ADGRL4: variants seen among roughly 807,000 people sequenced by gnomAD.
ADGRL4 encodes the protein EGF, latrophilin and seven transmembrane domain containing 1.
ADGRL4 carries 90 observed loss-of-function variants against 74.8 expected under a neutral mutation model. The observed-to-expected ratio is 1.20, with a 90% CI of 1.02 to 1.43. ADGRL4 has a LOEUF of 1.43. Among genes scored for constraint, ADGRL4 ranks in the 40% most tolerant of loss-of-function variants. The pLI is 0.00. For synonymous variants in ADGRL4, 311 were observed against 279.2 expected (o/e 1.11, Z -1.14); for missense variants, 881 against 814.3 (o/e 1.08, Z -1.00).
At chr1:78,992,869 T>C (rs1650636046) in intron 2 of ADGRL4, among the ~76,000 whole-genome samples, 1 of 152,112 alleles carries the variant, frequency 6.6e-6, no homozygotes, top group South Asian at 2.1e-4. Context: ...TACAAATCTA[T>C]GTAACTTCAG....
chr1:78,901,242 A>T (rs1438794426), intron 12 of ADGRL4, among the ~76,000 whole-genome samples: 1 of 152,102 alleles, frequency 6.6e-6, no homozygotes, highest in Non-Finnish European at 1.5e-5. Flanking sequence ...ATAGCTTTCA[A>T]ATTTTGTTCA....
chr1:78,935,227 A>G (rs1340509821), intron 7 of ADGRL4, among the ~76,000 whole-genome samples: 1 of 152,212 alleles, frequency 6.6e-6, no homozygotes, highest in African/African-American at 2.4e-5. Context: ...TGCAGCCATA[A>G]AAAGGAAAGA....
intron 12 of ADGRL4, among the ~76,000 whole-genome samples, chr1:78,904,104 C>A (rs2100657395): frequency 6.6e-6 from 1 of 151,554 alleles, no homozygotes; most frequent in African/African-American, 2.4e-5. Context: ...AGAATAATGG[C>A]ACCAAATTTC....
chr1:78,944,071 T>C (rs1387626977), intron 3 of ADGRL4, among the ~76,000 whole-genome samples: 1 of 152,072 alleles, frequency 6.6e-6, no homozygotes, highest in Non-Finnish European at 1.5e-5. Context: ...GTAATCTTTG[T>C]GTTTTTGTTT....
At chr1:78,922,501 G>T (rs780884492) in intron 8 of ADGRL4, among the ~76,000 whole-genome samples, 12 of 152,098 alleles carry the variant, frequency 7.9e-5, no homozygotes, top group Non-Finnish European at 1.6e-4. Context: ...CTGTGTGATA[G>T]TTATTCAATA....
Position 78,890,959 on chromosome 1 carries a change from T to C in ADGRL4, c.*195A>G, listed in dbSNP as rs1648257550. ...CAGAACTATTTCACATAGAAAAACA[T>C]AGTATATCTATATGATACATAATTT... On this transcript the variant is annotated 3_prime_UTR_variant, in exon 15 of 15. Transcript: ENST00000370742. 7 of 590,260 alleles carry C rather than the reference T, an allele frequency of 1.2e-5. No homozygotes were observed. The highest frequency in any genetic ancestry group is 9.1e-4 in the Middle Eastern group (2 of 2,198). The allele number at this position is 590,260 out of a possible 1,614,324, so 36.6% of individuals were successfully genotyped here. A position where few individuals can be genotyped will look rare whatever the true frequency, so the allele number is the denominator to read the frequency against.
At chr1:78,957,234 C>T (rs1418524246) in intron 2 of ADGRL4, among the ~76,000 whole-genome samples, 1 of 152,026 alleles carries the variant, frequency 6.6e-6, no homozygotes, top group African/African-American at 2.4e-5. Flanking sequence ...AGTTAATAAC[C>T]CTACAATGTT....
At chr1:78,992,609 A>T (rs540789798) in intron 2 of ADGRL4, among the ~76,000 whole-genome samples, 25 of 152,200 alleles carry the variant, frequency 1.6e-4, no homozygotes, top group Admixed American at 5.9e-4. Flanking sequence ...ACTACACACA[A>T]AAGGTTAATA....
intron 2 of ADGRL4, among the ~76,000 whole-genome samples, chr1:78,984,168 T>C (rs563749757): frequency 6.6e-6 from 1 of 151,854 alleles, no homozygotes; most frequent in East Asian, 1.9e-4. Flanking sequence ...CAAAGTAAGA[T>C]GGTTCTTATC....
intron 2 of ADGRL4, among the ~76,000 whole-genome samples, chr1:78,948,586 A>C (rs1476496458): frequency 6.6e-6 from 1 of 152,150 alleles, no homozygotes; most frequent in Non-Finnish European, 1.5e-5. Context: ...TCTTCTATAA[A>C]ATGCGGAAGA....
chr1:78,947,294 T>A (rs1649623148), intron 2 of ADGRL4, among the ~76,000 whole-genome samples: 1 of 152,176 alleles, frequency 6.6e-6, no homozygotes, highest in Non-Finnish European at 1.5e-5. Context: ...CATACTCGAT[T>A]ATGGTGGGCG....
At chr1:78,989,842 G>A (rs758333257) in intron 2 of ADGRL4, among the ~76,000 whole-genome samples, 13 of 151,782 alleles carry the variant, frequency 8.6e-5, no homozygotes, top group East Asian at 7.7e-4. Flanking sequence ...TTGTATTTTC[G>A]TCTTTAGTCT....
At chr1:78,950,390 C>T (rs374771198) in intron 2 of ADGRL4, among the ~76,000 whole-genome samples, 15 of 152,130 alleles carry the variant, frequency 9.9e-5, no homozygotes, top group East Asian at 3.9e-4. Flanking sequence ...ACCGAGAAAA[C>T]GCTTGCCAAG....
Position 78,945,177 on chromosome 1 carries a change from A to AAAAAAATATATAT in ADGRL4, c.325+1096_325+1097insATATATATTTTTT, listed in dbSNP as rs376405445. Among the ~76,000 whole-genome samples, 51 of 127,922 alleles carry AAAAAAATATATAT rather than the reference A, an allele frequency of 4.0e-4. 1 individual carries two copies. The highest frequency in any genetic ancestry group is 1.3e-3 in the African/African-American group (44 of 34,138). 83.9% of individuals were successfully genotyped at this position (127,922 alleles called of 152,430 possible). On this transcript the variant is annotated intron_variant, in intron 3 of 14. Coordinates refer to ENST00000370742, the MANE Select transcript of ADGRL4 (RefSeq NM_022159.4). ...GAGACTCTGTCTCAAAAAAAAAAAA[A>AAAAAAATATATAT]ATATATATATATATATATATCTCAA...
At position 78,956,475 on chromosome 1, in the gene ADGRL4, T is replaced by G. The variant is rs1352709517; in HGVS notation, c.173-10049A>C. ...AAGTTCATCTTGCCATCATACTGAT[T>G]AGTATGTGAAAAACAGTATTTGTCT... On this transcript the variant is annotated intron_variant, in intron 2 of 14. Transcript: ENST00000370742. Among the ~76,000 whole-genome samples the G allele has an allele frequency of 2.0e-5, 3 of 152,186 alleles. No individual in the cohort carries two copies. In the South Asian group the frequency reaches 6.2e-4, roughly 31 times the overall value.
chr1:78,940,384 A>C lies in ADGRL4; in HGVS notation c.326-1126T>G, dbSNP rs569539032. On this transcript the variant is annotated intron_variant, in intron 3 of 14. Transcript: ENST00000370742. ...CATACACAATCATCATAAATAAAGTAATACATTATATAGAATTAAGTCTTA... is the reference window on the plus strand; with the variant it reads ...CATACACAATCATCATAAATAAAGTCATACATTATATAGAATTAAGTCTTA... Among the ~76,000 whole-genome samples, 11 of 152,282 alleles carry C rather than the reference A, an allele frequency of 7.2e-5. 1 individual carries two copies. The South Asian group carries it at 2.3e-3, about 32-fold the overall frequency.
At chr1:78,928,654 A>G (rs916072195) in intron 7 of ADGRL4, among the ~76,000 whole-genome samples, 2 of 151,456 alleles carry the variant, frequency 1.3e-5, no homozygotes, top group African/African-American at 4.9e-5. Context: ...GATAGAACAT[A>G]TATCTGAGCA....
At chr1:78,935,905 C>CCT (rs1362773010) in intron 7 of ADGRL4, among the ~76,000 whole-genome samples, 1 of 24,192 alleles carries the variant, frequency 4.1e-5, no homozygotes, top group Non-Finnish European at 1.1e-4. Flanking sequence ...GGGCGGATCA[C>CCT]GAGGTCAGGA....
intron 4 of ADGRL4, 126 bp downstream of exon 4, chr1:78,939,062 G>A: frequency 8.2e-7 from 1 of 1,226,808 alleles, no homozygotes; most frequent in South Asian, 2.2e-5. Context: ...ATCTCTATAT[G>A]TAAACGTTTT....
Sources: gnomAD v4.1 joint callset for allele counts (sites outside exome capture counted in the v4.1 genomes callset) on GRCh38, gnomAD v4.1.1 for gene constraint, MANE v1.5 for transcripts, NCBI Gene and HGNC (gene_info 2026-07-23, HGNC 2026-07-21) for gene names.